ANAPC4: variants seen among roughly 807,000 people sequenced by gnomAD.
ANAPC4 encodes the protein anaphase promoting complex subunit 4.
In ANAPC4, 63 loss-of-function variants were observed where a neutral mutation model predicts 119.8. The ratio of observed to expected loss-of-function variants is 0.53; its 90% CI spans 0.43 to 0.65. The LOEUF is 0.65. Among genes scored for constraint, ANAPC4 ranks in the 30% least tolerant of loss-of-function variants. The pLI is 0.00. For synonymous variants in ANAPC4, 283 were observed against 318.6 expected, an observed-to-expected ratio of 0.89 and a Z score of 1.19; for missense variants, 716 against 945.1, an observed-to-expected ratio of 0.76 and a Z score of 3.18.
intron 4 of ANAPC4, among the ~76,000 whole-genome samples, chr4:25,386,284 C>T (rs1301233487): frequency 6.6e-6 from 1 of 152,190 alleles, no homozygotes; most frequent in Non-Finnish European, 1.5e-5. Context: ...ACAATTTCAG[C>T]TCACTGTAGC....
At chr4:25,383,514 T>C in intron 4 of ANAPC4, 121 bp downstream of exon 4, 1 of 965,132 alleles carries the variant, frequency 1.0e-6, no homozygotes, top group Non-Finnish European at 1.4e-6. Context: ...TGGTTTCAGT[T>C]TATCAAGATG....
At chr4:25,392,130 G>A (rs1415243781) in intron 9 of ANAPC4, among the ~76,000 whole-genome samples, 1 of 152,152 alleles carries the variant, frequency 6.6e-6, no homozygotes, top group African/African-American at 2.4e-5. Flanking sequence ...ACACAGGAGG[G>A]GTTGATAACC....
At chr4:25,399,678 T>G (rs901580393) in intron 16 of ANAPC4, among the ~76,000 whole-genome samples, 1 of 152,168 alleles carries the variant, frequency 6.6e-6, no homozygotes, top group African/African-American at 2.4e-5. Context: ...GCCCATTAGA[T>G]CTGCAGGTGG....
rs971005538 is a variant in ANAPC4, at chr4:25,390,964, A to C, written c.654A>C (p.Ser218=). 1.1e-5 allele frequency: 17 copies of C among 1,613,906 alleles called. No homozygotes were observed. Among genetic ancestry groups the C allele is most frequent in the Non-Finnish European group, 1.7e-6 (2 of 1,179,962 alleles). ...TATCAAGTGATTTGAAATCATTATCAGTGGTCACAGAAGTCTCTACCAATG... is the reference window on the plus strand; with the variant it reads ...TATCAAGTGATTTGAAATCATTATCCGTGGTCACAGAAGTCTCTACCAATG... The part of the protein sequence containing the change: ...LCLSSDLKSL[S]VVTEVSTNGA... Residue 218 remains serine, a synonymous_variant, in exon 9 of 29, where the codon TCA becomes TCC. Transcript: ENST00000315368.
chr4:25,390,553 T>C (rs955822414), intron 8 of ANAPC4, among the ~76,000 whole-genome samples: 4 of 152,352 alleles, frequency 2.6e-5, no homozygotes, highest in African/African-American at 9.6e-5. Context: ...AGAAGCATTC[T>C]TAAGTCCAGT....
At chr4:25,393,348 C>T (rs993452685) in intron 10 of ANAPC4, among the ~76,000 whole-genome samples, 8 of 152,126 alleles carry the variant, frequency 5.3e-5, no homozygotes, top group African/African-American at 1.9e-4. Context: ...TTGTCTTTTT[C>T]TCCATCTTAA....
rs778808749 is a variant in ANAPC4, at chr4:25,393,490, C to T, written c.790-315C>T. ...CAGCCTGGCCAACATGGTAAAGCCC[C>T]GTCTCTACTAAAAATACAAAAATTA... On this transcript the variant is annotated intron_variant, in intron 10 of 28. Coordinates refer to ENST00000315368, the MANE Select transcript of ANAPC4 (RefSeq NM_013367.3). Among the ~76,000 whole-genome samples the T allele has an allele frequency of 3.3e-5, 5 of 151,832 alleles. No individual in the cohort carries two copies. The East Asian group carries it at 7.7e-4, about 24-fold the overall frequency.
rs147999613 is a variant in ANAPC4 at position 25,388,483 on chromosome 4, T to A, written c.369-17T>A. On this transcript the variant is annotated splice_polypyrimidine_tract_variant and intron_variant, in intron 4 of 28. Transcript: ENST00000315368. Reference sequence around the variant, plus strand: ...ATCTTTGGTGTTTTTATAATGCTTTTATTTTTTCCTTTTTAGTGTTCTCAC... The same window carrying A: ...ATCTTTGGTGTTTTTATAATGCTTTAATTTTTTCCTTTTTAGTGTTCTCAC... 4.6e-6 allele frequency: 7 copies of A among 1,515,382 alleles called. No homozygotes were observed. Among genetic ancestry groups the A allele is most frequent in the Middle Eastern group, 1.7e-4 (1 of 5,842 alleles). 93.9% of individuals were successfully genotyped at this position (1,515,382 alleles called of 1,614,324 possible). A position where few individuals can be genotyped will look rare whatever the true frequency, so the allele number is the denominator to read the frequency against.
Position 25,383,360 on chromosome 4 carries a change from G to T in ANAPC4, c.335G>T (p.Cys112Phe). The T allele has an allele frequency of 6.2e-7, 1 of 1,613,030 alleles. No individual in the cohort carries two copies. The highest frequency in any genetic ancestry group is 8.5e-7 in the Non-Finnish European group (1 of 1,179,578). Residue 112 changes from cysteine (C) to phenylalanine (F), a missense_variant, in exon 4 of 29, where the codon TGT becomes TTT. By Grantham distance (205) the Cys-to-Phe change is radical. This residue lies in a region of ANAPC4 where 202 missense variants were observed against 293.5 expected (regional missense o/e 0.69). Transcript: ENST00000315368. ...HSFSVEAPVS[C>F]MHWMEVTVES... ...TTTTCTGTGGAGGCTCCAGTTTCCTGTATGCATTGGATGGAAGTGACAGTA... is the reference window on the plus strand; with the variant it reads ...TTTTCTGTGGAGGCTCCAGTTTCCTTTATGCATTGGATGGAAGTGACAGTA...
intron 16 of ANAPC4, among the ~76,000 whole-genome samples, chr4:25,399,189 T>C (rs1172847767): frequency 2.6e-5 from 4 of 152,164 alleles, no homozygotes; most frequent in Non-Finnish European, 5.9e-5. Context: ...TTTCTAAGAA[T>C]AAAATTATTT....
rs1723063547 is a variant in ANAPC4, at chr4:25,403,025, G to A, written c.1269G>A (p.Val423=). The change falls in exon 17 of 29, where the codon GTG becomes GTA. Residue 423 remains valine, a splice_region_variant and synonymous_variant. Coordinates refer to ENST00000315368, the MANE Select transcript of ANAPC4 (RefSeq NM_013367.3). Reference sequence around the variant, plus strand: ...AAGCATTTTTTCGGTGGCTTTATGTGGGTAAGTTAATTGAGTGAAGCATTT... The same window carrying A: ...AAGCATTTTTTCGGTGGCTTTATGTAGGTAAGTTAATTGAGTGAAGCATTT... The part of the protein sequence containing the change: ...NFKAFFRWLY[V]AMLRMTEDHV... The A allele has an allele frequency of 6.3e-7, 1 of 1,598,198 alleles. No homozygotes were observed. Among genetic ancestry groups the A allele is most frequent in the Non-Finnish European group, 8.6e-7 (1 of 1,169,552 alleles).
At chr4:25,383,234 T>C (rs750489087) in intron 3 of ANAPC4, 27 bp from the exon 4 acceptor site, 16 of 1,576,348 alleles carry the variant, frequency 1.0e-5, no homozygotes, top group African/African-American at 1.4e-5. Flanking sequence ...TACACTAATT[T>C]ATTCTGATTG....
intron 22 of ANAPC4, 76 bp from the exon 23 acceptor site, chr4:25,414,248 T>C: frequency 9.5e-7 from 1 of 1,049,074 alleles, no homozygotes; most frequent in South Asian, 1.8e-5. Flanking sequence ...CGAACAGTGA[T>C]GGTCAGTCAC....
At chr4:25,409,110 A>G (rs1723429102) in intron 20 of ANAPC4, among the ~76,000 whole-genome samples, 1 of 152,182 alleles carries the variant, frequency 6.6e-6, no homozygotes, top group Admixed American at 6.5e-5. Flanking sequence ...TGACAGCTAC[A>G]TTATTATAAA....
At chr4:25,380,905 G>A (rs554673714) in intron 3 of ANAPC4, among the ~76,000 whole-genome samples, 1 of 152,278 alleles carries the variant, frequency 6.6e-6, no homozygotes, top group Admixed American at 6.5e-5. Flanking sequence ...CTTGGTGCAT[G>A]TGTGTTTGCC....
intron 2 of ANAPC4, among the ~76,000 whole-genome samples, chr4:25,378,687 A>G (rs1428400073): frequency 1.3e-5 from 2 of 152,220 alleles, no homozygotes; most frequent in African/African-American, 4.8e-5. Flanking sequence ...TTGAGGAGAA[A>G]GAAGAGGTAT....
At chr4:25,379,893 T>C (rs1055748657) in intron 2 of ANAPC4, among the ~76,000 whole-genome samples, 4 of 152,160 alleles carry the variant, frequency 2.6e-5, no homozygotes, top group Non-Finnish European at 5.9e-5. Flanking sequence ...CATAGAGCTC[T>C]TGGGCAACAT....
chr4:25,402,830 T>G (rs1384049386), intron 16 of ANAPC4, 141 bp from the exon 17 acceptor site: 1 of 418,116 alleles, frequency 2.4e-6, no homozygotes, highest in East Asian at 3.7e-5. Context: ...TTGTAATATC[T>G]GCTGTTCTAA....
chr4:25,414,562 AAT>A, intron 24 of ANAPC4, 35 bp from the exon 25 acceptor site: 1 of 1,559,776 alleles, frequency 6.4e-7, no homozygotes. Flanking sequence ...TTTATCCATC[AAT>A]AGTTAAAAAA....
Sources: gnomAD v4.1 joint callset for allele counts (sites outside exome capture counted in the v4.1 genomes callset) on GRCh38, gnomAD v4.1.1 for gene constraint, gnomAD v4.1.1 regional missense constraint, MANE v1.5 for transcripts, NCBI Gene and HGNC (gene_info 2026-07-23, HGNC 2026-07-21) for gene names.